Variants in C1orf94 observed in about 807,000 individuals in gnomAD.
C1orf94 encodes the protein chromosome 1 open reading frame 94.
C1orf94 carries 45 observed loss-of-function variants against 53.6 expected under a neutral mutation model. The observed-to-expected ratio is 0.84, with a 90% CI of 0.66 to 1.08. C1orf94 has a LOEUF of 1.08. Ranked by LOEUF, C1orf94 falls within the 50% of genes least tolerant of loss-of-function variation. The probability of loss-of-function intolerance (pLI) is 0.00; values close to 1 mark genes in which losing one functional copy is unlikely to be tolerated. For missense variants in C1orf94, 762 were observed against 738.9 expected, an observed-to-expected ratio of 1.03 and a Z score of -0.36; for synonymous variants, 304 against 296.1, an observed-to-expected ratio of 1.03 and a Z score of -0.27.
chr1:34,212,425 G>C lies in C1orf94; in HGVS notation c.1721+19G>C. The C allele has an allele frequency of 6.3e-7, 1 of 1,586,814 alleles. No individual in the cohort carries two copies. The highest frequency in any genetic ancestry group is 8.6e-7 in the Non-Finnish European group (1 of 1,167,990). ...GATATGGGTGAGTCAGCCCACACTG[G>C]GAGCCTAAGGGTATCCAGAAAGCTG... is the stretch of plus-strand genomic sequence containing the variant. On this transcript the variant is annotated intron_variant, in intron 6 of 6. Coordinates refer to ENST00000488417, the MANE Select transcript of C1orf94 (RefSeq NM_001134734.2).
intron 1 of C1orf94, among the ~76,000 whole-genome samples, chr1:34,188,280 G>A (rs1368299600): frequency 1.3e-5 from 2 of 152,178 alleles, no homozygotes; most frequent in Admixed American, 1.3e-4. Context: ...TTGAGAAGGA[G>A]GTGTTTCAAA....
chr1:34,207,297 G>GTGTGTT (rs1281918032), intron 4 of C1orf94, among the ~76,000 whole-genome samples: 3 of 132,034 alleles, frequency 2.3e-5, no homozygotes, highest in African/African-American at 8.7e-5. Flanking sequence ...GTGTGTGTGT[G>GTGTGTT]TGTGTGTCTT....
At chr1:34,216,904 C>A (rs1442764737) in intron 6 of C1orf94, among the ~76,000 whole-genome samples, 2 of 152,090 alleles carry the variant, frequency 1.3e-5, no homozygotes, top group African/African-American at 2.4e-5. Context: ...CACAGTGAAA[C>A]CCCATCTCTA....
intron 6 of C1orf94, among the ~76,000 whole-genome samples, chr1:34,213,527 TC>T (rs901588616): frequency 4.7e-4 from 71 of 152,232 alleles, no homozygotes; most frequent in African/African-American, 1.7e-3. Context: ...CACACCCTTT[TC>T]TTTTTTTATT....
Position 34,177,622 on chromosome 1 carries a change from A to G in C1orf94, c.-168A>G, listed in dbSNP as rs1399395294. ...GGAGGCAAAAGTCAGGAAAGAGCAA[A>G]TAAAAACAAATCAAAATAAGCCCTC... is the stretch of plus-strand genomic sequence containing the variant. On this transcript the variant is annotated 5_prime_UTR_variant, in exon 1 of 7. Transcript: ENST00000488417. 7 of 596,648 alleles carry G rather than the reference A, an allele frequency of 1.2e-5. No homozygotes were observed. The highest frequency in any genetic ancestry group is 2.0e-5 in the Non-Finnish European group (7 of 350,556). 37.0% of individuals were successfully genotyped at this position (596,648 alleles called of 1,614,324 possible). A position where few individuals can be genotyped will look rare whatever the true frequency, so the allele number is the denominator to read the frequency against.
At position 34,202,131 on chromosome 1, in the gene C1orf94, G is replaced by T; in HGVS notation, c.1318G>T (p.Gly440Trp). ...VADKNNPKYT[G>W]NVFTPHFPTA... The stretch of plus-strand genomic sequence containing the variant: ...TGACAAGAACAACCCGAAGTACACA[G>T]GGAATGTTTTCACTCCACACTTTCC... Residue 440 changes from glycine (G) to tryptophan (W), a missense_variant, in exon 4 of 7, where the codon GGG (glycine) becomes TGG (tryptophan). Coordinates refer to ENST00000488417, the MANE Select transcript of C1orf94 (RefSeq NM_001134734.2). The T allele has an allele frequency of 6.2e-7, 1 of 1,614,170 alleles. No individual in the cohort carries two copies. The highest frequency in any genetic ancestry group is 8.5e-7 in the Non-Finnish European group (1 of 1,180,012).
intron 1 of C1orf94, among the ~76,000 whole-genome samples, chr1:34,170,972 A>G (rs1437063819): frequency 1.3e-5 from 2 of 152,200 alleles, no homozygotes; most frequent in African/African-American, 4.8e-5. Context: ...ACAACTGAGT[A>G]ACAAGTGCCC....
intron 5 of C1orf94, 58 bp from the exon 6 acceptor site, chr1:34,212,152 G>A: frequency 6.7e-7 from 1 of 1,493,766 alleles, no homozygotes; most frequent in Non-Finnish European, 9.0e-7. Context: ...TGGGTGGCTG[G>A]GGTTAGAGTT....
chr1:34,167,355 C>G (rs1642054961), intron 1 of C1orf94, among the ~76,000 whole-genome samples: 2 of 152,220 alleles, frequency 1.3e-5, no homozygotes, highest in Admixed American at 1.3e-4. Flanking sequence ...CTGGGCTGCT[C>G]TGTAATTCTG....
intron 1 of C1orf94, among the ~76,000 whole-genome samples, chr1:34,169,219 G>A (rs1030876791): frequency 1.3e-5 from 2 of 152,116 alleles, no homozygotes; most frequent in African/African-American, 4.8e-5. Flanking sequence ...CAGAGATGGG[G>A]ACCCTGGAAA....
intron 5 of C1orf94, among the ~76,000 whole-genome samples, chr1:34,208,671 T>C (rs1335168896): frequency 6.6e-6 from 1 of 152,184 alleles, no homozygotes; most frequent in Non-Finnish European, 1.5e-5. Context: ...AATTTCTTGC[T>C]CGGGTCTATG....
At chr1:34,182,055 A>C (rs1642318013) in intron 1 of C1orf94, among the ~76,000 whole-genome samples, 1 of 152,200 alleles carries the variant, frequency 6.6e-6, no homozygotes, top group Admixed American at 6.5e-5. Flanking sequence ...TTAGCTGGGC[A>C]TGGTGGCACA....
At chr1:34,176,157 G>A (rs1446502293), upstream of C1orf94, among the ~76,000 whole-genome samples, 1 of 152,028 alleles carries the variant, frequency 6.6e-6, no homozygotes, top group Non-Finnish European at 1.5e-5. Flanking sequence ...TTATGAATGG[G>A]GATGGGAGAA....
chr1:34,183,856 C>CAA (rs1282682531), intron 1 of C1orf94, among the ~76,000 whole-genome samples: 7 of 105,450 alleles, frequency 6.6e-5, no homozygotes, highest in Middle Eastern at 6.0e-3. Context: ...AACTCCGTCT[C>CAA]AAAAAAAAAA....
intron 3 of C1orf94, among the ~76,000 whole-genome samples, chr1:34,201,247 C>T (rs139897471): frequency 2.0e-4 from 31 of 152,310 alleles, no homozygotes; most frequent in African/African-American, 4.6e-4. Context: ...TCAAGGGTCA[C>T]GTCAGCATTA....
rs761452759 is a variant in C1orf94, at chr1:34,218,733, C to A, written c.1769C>A (p.Ser590Tyr). 3 of 1,612,904 alleles carry A rather than the reference C, an allele frequency of 1.9e-6. No individual in the cohort carries two copies. The South Asian group carries it at 3.3e-5, about 18-fold the overall frequency. ...CCCTTGATGCACAGCCCCTATTTTT[C>A]TTCCAGTGGGAATGGCATAAACTTT... The part of the protein sequence containing the change: ...GGPLMHSPYF[S>Y]SSGNGINF The change falls in exon 7 of 7, where the codon TCT becomes TAT. Residue 590 changes from serine (S) to tyrosine (Y), a missense_variant. Coordinates refer to ENST00000488417, the MANE Select transcript of C1orf94 (RefSeq NM_001134734.2).
chr1:34,187,769 A>ACCCCCCCCCCC (rs1304813112), intron 1 of C1orf94, among the ~76,000 whole-genome samples: 1 of 42,052 alleles, frequency 2.4e-5, no homozygotes, highest in Non-Finnish European at 4.4e-5. Flanking sequence ...GAATCCACCC[A>ACCCCCCCCCCC]CCCCCCCCCC....
chr1:34,216,467 G>A (rs1642990233), intron 6 of C1orf94, among the ~76,000 whole-genome samples: 1 of 152,184 alleles, frequency 6.6e-6, no homozygotes, highest in African/African-American at 2.4e-5. Context: ...CCTGAACAAA[G>A]TGCTGGTGTT....
At chr1:34,180,802 G>C (rs1055037354) in intron 1 of C1orf94, among the ~76,000 whole-genome samples, 5 of 152,206 alleles carry the variant, frequency 3.3e-5, no homozygotes, top group African/African-American at 1.2e-4. Flanking sequence ...GTGTTTTCTT[G>C]TATTGTGGTA....
Sources: allele counts gnomAD v4.1 joint callset (sites outside exome capture counted in the v4.1 genomes callset), GRCh38; gene constraint gnomAD v4.1.1; transcripts MANE v1.5; gene names NCBI Gene and HGNC (gene_info 2026-07-23, HGNC 2026-07-21).